NAALADL2: variants seen among roughly 807,000 people sequenced by gnomAD.
NAALADL2 encodes inactive N-acetylated-alpha-linked acidic dipeptidase-like protein 2.
Under a neutral mutation model 87.2 loss-of-function variants are expected in NAALADL2, and 76 were observed. That is an observed-to-expected ratio of 0.87 (90% CI 0.72 to 1.05). The LOEUF (loss-of-function observed/expected upper bound fraction) is 1.05, where lower values mean the gene tolerates loss of function less well. NAALADL2 is among the 50% of genes least tolerant of loss of function. The pLI, the probability that NAALADL2 is intolerant of heterozygous loss-of-function variation, is 0.00. For synonymous variants in NAALADL2, 354 were observed against 331.0 expected, an observed-to-expected ratio of 1.07 and a Z score of -0.75; for missense variants, 1,089 against 945.8, an observed-to-expected ratio of 1.15 and a Z score of -1.99.
chr3:175,051,904 TGCCGAGA>T (rs1264598465), intron 1 of NAALADL2, among the ~76,000 whole-genome samples: 1 of 152,202 alleles, frequency 6.6e-6, no homozygotes, highest in Non-Finnish European at 1.5e-5. Flanking sequence ...AAGAGGCATT[TGCCGAGA>T]CCAGCTCGGC....
chr3:174,583,910 C>T (rs947910884), intron 2 of NAALADL2, among the ~76,000 whole-genome samples: 7 of 152,098 alleles, frequency 4.6e-5, no homozygotes, highest in Non-Finnish European at 5.9e-5. Context: ...TTTTCTGAGT[C>T]CCACCTTCAA....
intron 9 of NAALADL2, among the ~76,000 whole-genome samples, chr3:175,499,204 G>A (rs1183399006): frequency 6.6e-6 from 1 of 152,008 alleles, no homozygotes; most frequent in East Asian, 1.9e-4. Context: ...TGCAATGACA[G>A]GAATACATAC....
At chr3:174,904,053 G>A (rs1732663625) in intron 1 of NAALADL2, among the ~76,000 whole-genome samples, 2 of 151,124 alleles carry the variant, frequency 1.3e-5, no homozygotes, top group African/African-American at 4.9e-5. Context: ...ATATCTCTGA[G>A]CTTATAGATA....
rs541459653 is a variant in NAALADL2 at position 175,809,019 on chromosome 3, T to C, written c.*5816T>C. The C allele has an allele frequency of 6.6e-6, 1 of 152,144 alleles. No homozygotes were observed. Among genetic ancestry groups the C allele is most frequent in the Admixed American group, 6.6e-5 (1 of 15,248 alleles). 9.4% of individuals were successfully genotyped at this position (152,144 alleles called of 1,614,324 possible). On this transcript the variant is annotated 3_prime_UTR_variant, in exon 14 of 14. Coordinates refer to ENST00000454872, the MANE Select transcript of NAALADL2 (RefSeq NM_207015.3). ...TTGGTAAGTGTTTTATATTTTGAAT[T>C]TCTTAGATGCTTTCAGTGTATGTGC...
chr3:174,877,411 A>G lies in NAALADL2; in HGVS notation c.43+17961A>G, dbSNP rs12106812. Among the ~76,000 whole-genome samples, 554 of 152,216 alleles carry G rather than the reference A, an allele frequency of 3.6e-3. 4 individuals carry two copies. Among genetic ancestry groups the G allele is most frequent in the African/African-American group, 0.013 (528 of 41,562 alleles). On this transcript the variant is annotated intron_variant, in intron 1 of 13. Transcript: ENST00000454872. ...TCTTTCATAAATCAGCATATGAAAT[A>G]GATAGACATTACTTCAATCTCCATT...
intron 11 of NAALADL2, among the ~76,000 whole-genome samples, chr3:175,643,196 T>G (rs924941440): frequency 6.6e-6 from 1 of 152,190 alleles, no homozygotes; most frequent in South Asian, 2.1e-4. Context: ...TTGATAGATG[T>G]TGCAATAGTT....
chr3:175,448,182 G>A (rs1008728681), intron 6 of NAALADL2, among the ~76,000 whole-genome samples: 1 of 152,174 alleles, frequency 6.6e-6, no homozygotes, highest in African/African-American at 2.4e-5. Flanking sequence ...CTCTGTTAGG[G>A]ACATATGCTT....
chr3:174,935,779 C>G (rs1737602924), intron 1 of NAALADL2, among the ~76,000 whole-genome samples: 1 of 152,112 alleles, frequency 6.6e-6, no homozygotes, highest in South Asian at 2.1e-4. Flanking sequence ...TAGGAGATGA[C>G]ATTCTGTTTG....
At chr3:174,908,662 GTTAAT>G (rs1208577451) in intron 1 of NAALADL2, among the ~76,000 whole-genome samples, 3 of 152,016 alleles carry the variant, frequency 2.0e-5, no homozygotes, top group Non-Finnish European at 2.9e-5. Context: ...AGGATCTGAA[GTTAAT>G]TTAATAAAAA....
intron 11 of NAALADL2, among the ~76,000 whole-genome samples, chr3:175,653,186 A>C (rs995126865): frequency 2.0e-5 from 3 of 152,052 alleles, no homozygotes; most frequent in African/African-American, 7.2e-5. Flanking sequence ...GAGGTGGCAG[A>C]GTTGGCCTAT....
rs1273491176 is a variant in NAALADL2 at position 175,139,534 on chromosome 3, T to TCAAATGCTACGTA, written c.545+42243_545+42244insCAAATGCTACGTA. 1.5e-3 allele frequency among the ~76,000 whole-genome samples: 226 copies of TCAAATGCTACGTA among 152,240 alleles called. 2 individuals carry two copies. The highest frequency in any genetic ancestry group is 5.2e-3 in the African/African-American group (216 of 41,558). ...TTCAAATAGTTCTCTATCAACATTA[T>TCAAATGCTACGTA]TCTGAAATGCTACGTAGATGATTCA... is the stretch of plus-strand genomic sequence containing the variant. On this transcript the variant is annotated intron_variant, in intron 2 of 13. Transcript: ENST00000454872.
chr3:175,600,638 C>T (rs1304079115), intron 10 of NAALADL2, among the ~76,000 whole-genome samples: 2 of 143,118 alleles, frequency 1.4e-5, no homozygotes, highest in East Asian at 2.2e-4. Flanking sequence ...CCCAGGTTCA[C>T]GCCATTCTCC....
chr3:174,636,617 C>T (rs1722673762), intron 2 of NAALADL2, among the ~76,000 whole-genome samples: 1 of 152,064 alleles, frequency 6.6e-6, no homozygotes, highest in Non-Finnish European at 1.5e-5. Context: ...TCATCTTACC[C>T]TAGTTAGAAT....
intron 1 of NAALADL2, among the ~76,000 whole-genome samples, chr3:175,004,999 A>C (rs562809719): frequency 5.9e-5 from 9 of 152,314 alleles, no homozygotes; most frequent in African/African-American, 2.2e-4. Flanking sequence ...GTGGCACCTG[A>C]AAAACAGAAA....
chr3:174,726,366 C>T (rs1258042153), intron 2 of NAALADL2, among the ~76,000 whole-genome samples: 2 of 152,140 alleles, frequency 1.3e-5, no homozygotes, highest in African/African-American at 2.4e-5. Flanking sequence ...GAACTACCAG[C>T]GGTTATGTTA....
At chr3:174,812,559 T>TA (rs1180267015) in intron 3 of NAALADL2, among the ~76,000 whole-genome samples, 1 of 152,118 alleles carries the variant, frequency 6.6e-6, no homozygotes, top group Non-Finnish European at 1.5e-5. Flanking sequence ...TTATAAAAAA[T>TA]AAAAAACAAA....
At chr3:175,688,654 G>A (rs1043787135) in intron 11 of NAALADL2, among the ~76,000 whole-genome samples, 2 of 152,126 alleles carry the variant, frequency 1.3e-5, no homozygotes, top group African/African-American at 4.8e-5. Context: ...AAAGGCTCAG[G>A]CAGTTTATGG....
chr3:174,616,183 A>G (rs1182250176), intron 2 of NAALADL2, among the ~76,000 whole-genome samples: 1 of 151,842 alleles, frequency 6.6e-6, no homozygotes, highest in Non-Finnish European at 1.5e-5. Flanking sequence ...CTATGGAAGA[A>G]TATGTTTTGT....
At chr3:174,602,842 T>G (rs935289396) in intron 2 of NAALADL2, among the ~76,000 whole-genome samples, 44 of 152,096 alleles carry the variant, frequency 2.9e-4, no homozygotes, top group African/African-American at 9.4e-4. Flanking sequence ...TGAAGTGATG[T>G]TGAAATTTAT....
Sources: gnomAD v4.1 joint callset for allele counts (sites outside exome capture counted in the v4.1 genomes callset) on GRCh38, gnomAD v4.1.1 for gene constraint, MANE v1.5 for transcripts, NCBI Gene and HGNC (gene_info 2026-07-23, HGNC 2026-07-21) for gene names.